The following SETBP1 variants were observed in gnomAD, a reference collection of about 807,000 sequenced individuals.
SETBP1 encodes SET-binding protein.
In SETBP1, 9 loss-of-function variants were observed where a neutral mutation model predicts 101.0. That is an observed-to-expected ratio of 0.09 (90% CI 0.05 to 0.16). SETBP1 has a LOEUF of 0.16. Ranked by LOEUF, SETBP1 falls within the 10% of genes least tolerant of loss-of-function variation. SETBP1 has a pLI of 1.00. For synonymous variants in SETBP1, 818 were observed against 788.5 expected, an observed-to-expected ratio of 1.04 and a Z score of -0.63; for missense variants, 1,858 against 2,033.8, an observed-to-expected ratio of 0.91 and a Z score of 1.66.
chr18:44,859,983 C>T (rs537759093), intron 2 of SETBP1, among the ~76,000 whole-genome samples: 1 of 152,186 alleles, frequency 6.6e-6, no homozygotes, highest in African/African-American at 2.4e-5. Context: ...CTTTTGACTT[C>T]GGTGCTCAGA....
intron 2 of SETBP1, among the ~76,000 whole-genome samples, chr18:44,858,465 T>C (rs1198753124): frequency 6.6e-6 from 1 of 152,262 alleles, no homozygotes; most frequent in Admixed American, 6.5e-5. Context: ...TCCAGTTGGC[T>C]AATTAAAATA....
chr18:44,940,168 TC>T (rs2071054612), intron 3 of SETBP1, among the ~76,000 whole-genome samples: 1 of 152,206 alleles, frequency 6.6e-6, no homozygotes, highest in Admixed American at 6.5e-5. Context: ...AGCCTATTTT[TC>T]CTTACATTAA....
At position 44,950,796 on chromosome 18, in the gene SETBP1, G is replaced by A. The variant is rs1762640368; in HGVS notation, c.1456G>A (p.Ala486Thr). 1 of 1,614,150 alleles carries A rather than the reference G, an allele frequency of 6.2e-7. No individual in the cohort carries two copies. The highest frequency in any genetic ancestry group is 8.5e-7 in the Non-Finnish European group (1 of 1,180,024). ...PSVGLETGGN[A>T]EKVIPGGVSK... ...AGTTGGCCTTGAAACTGGTGGAAAT[G>A]CTGAGAAAGTTATCCCAGGAGGTGT... The change falls in exon 4 of 6, where the codon GCT becomes ACT. Residue 486 changes from alanine to threonine, a missense_variant. This residue lies in a region of SETBP1 where 581 missense variants were observed against 535.1 expected (regional missense o/e 1.09). Coordinates refer to ENST00000649279, the MANE Select transcript of SETBP1 (RefSeq NM_015559.3).
intron 3 of SETBP1, among the ~76,000 whole-genome samples, chr18:44,943,768 A>G (rs1170900199): frequency 6.6e-6 from 1 of 151,934 alleles, no homozygotes; most frequent in East Asian, 1.9e-4. Flanking sequence ...AGGATTCCCC[A>G]GGGGTTTGGA....
chr18:44,752,105 G>C (rs561232269), intron 2 of SETBP1, among the ~76,000 whole-genome samples: 6 of 152,104 alleles, frequency 3.9e-5, no homozygotes, highest in Admixed American at 3.3e-4. Context: ...ATAGAAGCAG[G>C]ATACAACATT....
chr18:44,938,924 C>T (rs1001763381), intron 3 of SETBP1, among the ~76,000 whole-genome samples: 1 of 151,260 alleles, frequency 6.6e-6, no homozygotes, highest in Admixed American at 6.6e-5. Context: ...AGAAAAGGCC[C>T]CTGCTTTCTG....
At chr18:44,835,804 G>A (rs1053335747) in intron 2 of SETBP1, among the ~76,000 whole-genome samples, 1 of 152,212 alleles carries the variant, frequency 6.6e-6, no homozygotes, top group African/African-American at 2.4e-5. Context: ...TCTGTACCTA[G>A]GAATGAATTA....
At chr18:44,928,179 G>A (rs1036564952) in intron 3 of SETBP1, among the ~76,000 whole-genome samples, 1 of 152,194 alleles carries the variant, frequency 6.6e-6, no homozygotes, top group Non-Finnish European at 1.5e-5. Flanking sequence ...AACATGCGGT[G>A]TTTGGTTTTC....
At chr18:44,931,613 C>T (rs949740928) in intron 3 of SETBP1, among the ~76,000 whole-genome samples, 4 of 152,136 alleles carry the variant, frequency 2.6e-5, no homozygotes, top group Non-Finnish European at 4.4e-5. Flanking sequence ...CTTTATGAAG[C>T]TGGGTGCTCC....
chr18:45,046,629 C>G lies in SETBP1; in HGVS notation c.4171+7974C>G, dbSNP rs192204057. On this transcript the variant is annotated intron_variant, in intron 5 of 5. Transcript: ENST00000649279. ...TGTGAGAATTTCAGGATAAGCCATT[C>G]AATGGAAAACGGGAGAGTGCATCAG... 9.8e-3 allele frequency among the ~76,000 whole-genome samples: 1,497 copies of G among 152,310 alleles called. 35 individuals are homozygous for G. The highest frequency in any genetic ancestry group is 0.035 in the African/African-American group (1,445 of 41,566).
At chr18:44,897,568 C>T (rs921978858) in intron 3 of SETBP1, among the ~76,000 whole-genome samples, 2 of 152,104 alleles carry the variant, frequency 1.3e-5, no homozygotes, top group African/African-American at 4.8e-5. Flanking sequence ...TCATCTTTTA[C>T]CAGTTTATAG....
chr18:44,896,951 C>T (rs1738512932), intron 3 of SETBP1, among the ~76,000 whole-genome samples: 1 of 152,224 alleles, frequency 6.6e-6, no homozygotes, highest in African/African-American at 2.4e-5. Flanking sequence ...ATCACACACA[C>T]ACACAGGGTT....
intron 2 of SETBP1, among the ~76,000 whole-genome samples, chr18:44,728,002 T>C (rs529524553): frequency 1.3e-5 from 2 of 152,272 alleles, no homozygotes; most frequent in South Asian, 2.1e-4. Flanking sequence ...ATTTATCCCC[T>C]GTTTGCTCTA....
chr18:44,805,174 T>G (rs946573439), intron 2 of SETBP1, among the ~76,000 whole-genome samples: 3 of 152,262 alleles, frequency 2.0e-5, no homozygotes, highest in African/African-American at 7.2e-5. Flanking sequence ...TCTAGGGATT[T>G]AAATTAGGGA....
chr18:44,764,900 G>A (rs1171107083), intron 2 of SETBP1, among the ~76,000 whole-genome samples: 1 of 152,190 alleles, frequency 6.6e-6, no homozygotes, highest in African/African-American at 2.4e-5. Flanking sequence ...CAGGGACTTT[G>A]CTCTGCTCAC....
chr18:44,687,827 G>A (rs2068862852), intron 1 of SETBP1, among the ~76,000 whole-genome samples: 1 of 152,198 alleles, frequency 6.6e-6, no homozygotes, highest in African/African-American at 2.4e-5. Flanking sequence ...TAAAGATCAT[G>A]AAGTCTAGGG....
intron 2 of SETBP1, among the ~76,000 whole-genome samples, chr18:44,705,294 T>G (rs1449655575): frequency 1.3e-5 from 2 of 152,246 alleles, no homozygotes; most frequent in Non-Finnish European, 2.9e-5. Flanking sequence ...GTTTATGTTT[T>G]GACTCTGACT....
intron 4 of SETBP1, among the ~76,000 whole-genome samples, chr18:44,972,633 A>G (rs1347968863): frequency 1.3e-5 from 2 of 152,124 alleles, no homozygotes; most frequent in Admixed American, 6.5e-5. Flanking sequence ...ATTCTCCTTG[A>G]AGCAATTGTG....
intron 3 of SETBP1, among the ~76,000 whole-genome samples, chr18:44,932,015 A>G (rs946362756): frequency 4.2e-4 from 64 of 152,048 alleles, no homozygotes; most frequent in African/African-American, 1.5e-3. Flanking sequence ...TTGTTAGTTG[A>G]TGCAGTTTCT....
Sources: allele counts gnomAD v4.1 joint callset (sites outside exome capture counted in the v4.1 genomes callset), GRCh38; gene constraint gnomAD v4.1.1; regional missense constraint gnomAD v4.1.1; transcripts MANE v1.5; gene names NCBI Gene and HGNC (gene_info 2026-07-23, HGNC 2026-07-21).